Variants in VPS35L observed in about 807,000 individuals in gnomAD.
VPS35L encodes the protein VPS35 endosomal protein sorting factor like, also known as VPS35 endosomal protein-sorting factor-like.
VPS35L carries 83 observed loss-of-function variants against 133.0 expected under a neutral mutation model. The observed-to-expected ratio is 0.62, with a 90% CI of 0.52 to 0.75. The LOEUF (loss-of-function observed/expected upper bound fraction) is 0.75, where lower values mean the gene tolerates loss of function less well. Among genes scored for constraint, VPS35L ranks in the 30% least tolerant of loss-of-function variants. The pLI is 0.00. For synonymous variants in VPS35L, 423 were observed against 449.9 expected, an observed-to-expected ratio of 0.94 and a Z score of 0.76; for missense variants, 1,083 against 1,206.8, an observed-to-expected ratio of 0.90 and a Z score of 1.52.
intron 1 of VPS35L, among the ~76,000 whole-genome samples, chr16:19,563,915 G>A (rs1971102146): frequency 6.6e-6 from 1 of 152,182 alleles, no homozygotes; most frequent in Non-Finnish European, 1.5e-5. Flanking sequence ...CTGCCTCACA[G>A]CTGCCCTGTG....
At chr16:19,616,518 TTC>T (rs1297221637) in intron 13 of VPS35L, among the ~76,000 whole-genome samples, 166 bp from the exon 14 acceptor site, 21 of 152,014 alleles carry the variant, frequency 1.4e-4, no homozygotes, top group Non-Finnish European at 2.6e-4. Context: ...ATGAGAAACT[TTC>T]TGTGTTTTTT....
chr16:19,610,973 G>GA (rs1407753996), intron 12 of VPS35L, among the ~76,000 whole-genome samples: 2 of 152,096 alleles, frequency 1.3e-5, no homozygotes, highest in Non-Finnish European at 2.9e-5. Flanking sequence ...TTTGTGTATG[G>GA]AAAAAATGTA....
At chr16:19,558,383 C>A (rs1970925932) in intron 1 of VPS35L, among the ~76,000 whole-genome samples, 1 of 152,190 alleles carries the variant, frequency 6.6e-6, no homozygotes. Flanking sequence ...GGTTTGGAAG[C>A]CAGAGGCTAT....
intron 1 of VPS35L, among the ~76,000 whole-genome samples, chr16:19,563,995 T>G (rs1971105140): frequency 6.6e-6 from 1 of 151,924 alleles, no homozygotes; most frequent in Non-Finnish European, 1.5e-5. Flanking sequence ...GGGCAAGGAG[T>G]GTTAGAGTCA....
At chr16:19,676,948 G>C (rs533785336) in intron 27 of VPS35L, among the ~76,000 whole-genome samples, 1 of 152,246 alleles carries the variant, frequency 6.6e-6, no homozygotes, top group African/African-American at 2.4e-5. Context: ...GATGGTATTA[G>C]TAATAACACT....
Position 19,700,408 on chromosome 16 carries a change from A to C in VPS35L, c.2824A>C (p.Ser942Arg), listed in dbSNP as rs760637895. The C allele has an allele frequency of 6.2e-7, 1 of 1,614,166 alleles. No homozygotes were observed. Among genetic ancestry groups the C allele is most frequent in the Non-Finnish European group, 8.5e-7 (1 of 1,180,024 alleles). The change falls in exon 31 of 31, where the codon AGC becomes CGC. Residue 942 changes from serine to arginine, a missense_variant. Physicochemically the swap from Ser to Arg is moderately radical, Grantham distance 110. Transcript: ENST00000417362. ...VKTLEYIKKQ[S>R]KQPDMTHLTE... is the part of the protein sequence containing the mutation. Reference sequence around the variant, plus strand: ...AACGCTAGAATACATCAAGAAGCAAAGCAAACAACCAGACATGACTCATCT... The same window carrying C: ...AACGCTAGAATACATCAAGAAGCAACGCAAACAACCAGACATGACTCATCT...
chr16:19,616,437 C>G (rs1374157696), intron 13 of VPS35L, among the ~76,000 whole-genome samples: 2 of 152,092 alleles, frequency 1.3e-5, no homozygotes, highest in African/African-American at 4.8e-5. Context: ...TTCTGAGCAT[C>G]TGCTGGCTCC....
In VPS35L at chr16:19,628,656, T is replaced by C; in HGVS notation, c.1403T>C (p.Leu468Pro). 6.3e-7 allele frequency: 1 copy of C among 1,587,536 alleles called. No individual in the cohort carries two copies. Among genetic ancestry groups the C allele is most frequent in the Non-Finnish European group, 8.6e-7 (1 of 1,161,894 alleles). Residue 468 changes from leucine to proline, a missense_variant, in exon 17 of 31, where the codon CTG becomes CCG. Physicochemically the swap from Leu to Pro is moderately conservative, Grantham distance 98. Coordinates refer to ENST00000417362, the MANE Select transcript of VPS35L (RefSeq NM_020314.7). ...GFPKHLLFRS[L>P]GLNLALADPP... Reference sequence around the variant, plus strand: ...TCTTAGCATCTTCTTTTTCGATCACTGGGATTAAACTTGGCCTTGGCTGAT... The same window carrying C: ...TCTTAGCATCTTCTTTTTCGATCACCGGGATTAAACTTGGCCTTGGCTGAT...
Position 19,659,819 on chromosome 16 carries a change from C to G in VPS35L, c.2221+7729C>G, listed in dbSNP as rs9936985. ...AGGAAGAAGATATGTCTGGATGTTG[C>G]ATTTTATGTGGTAGTTTCCATGATA... On this transcript the variant is annotated intron_variant, in intron 26 of 30. Coordinates refer to ENST00000417362, the MANE Select transcript of VPS35L (RefSeq NM_020314.7). Among the ~76,000 whole-genome samples the G allele has an allele frequency of 8.2e-3, 1,244 of 152,282 alleles. 18 individuals are homozygous for G. The highest frequency in any genetic ancestry group is 0.028 in the African/African-American group (1,162 of 41,544).
At chr16:19,628,005 T>C (rs758701536) in intron 16 of VPS35L, among the ~76,000 whole-genome samples, 200 bp downstream of exon 16, 4 of 152,186 alleles carry the variant, frequency 2.6e-5, no homozygotes, top group Non-Finnish European at 5.9e-5. Context: ...CAGGCCCCCA[T>C]GAGCCCTAAA....
chr16:19,602,224 G>A (rs548972835), intron 9 of VPS35L, among the ~76,000 whole-genome samples: 116 of 152,184 alleles, frequency 7.6e-4, no homozygotes, highest in African/African-American at 2.7e-3. Flanking sequence ...AGTGGATGAT[G>A]AATTTCTTTT....
At chr16:19,653,702 C>T (rs2151589726) in intron 26 of VPS35L, among the ~76,000 whole-genome samples, 1 of 152,364 alleles carries the variant, frequency 6.6e-6, no homozygotes, top group South Asian at 2.1e-4. Context: ...AAGGCTGGCG[C>T]CTCACCACTT....
intron 23 of VPS35L, among the ~76,000 whole-genome samples, chr16:19,645,525 G>A (rs1438176317): frequency 3.3e-5 from 5 of 152,106 alleles, no homozygotes; most frequent in Non-Finnish European, 7.4e-5. Flanking sequence ...TGCTGACCTC[G>A]TAATCCGCCC....
At chr16:19,660,958 C>T (rs917453106) in intron 26 of VPS35L, among the ~76,000 whole-genome samples, 3 of 151,942 alleles carry the variant, frequency 2.0e-5, no homozygotes, top group African/African-American at 7.3e-5. Flanking sequence ...ACAGTATGGA[C>T]ATCTTGATTT....
At chr16:19,628,142 A>T (rs1973328556) in intron 16 of VPS35L, among the ~76,000 whole-genome samples, 2 of 152,138 alleles carry the variant, frequency 1.3e-5, no homozygotes, top group South Asian at 4.1e-4. Context: ...GGGCAGGAGG[A>T]TCACTTGAGG....
chr16:19,697,396 G>A (rs1975953529), intron 29 of VPS35L, among the ~76,000 whole-genome samples: 1 of 152,172 alleles, frequency 6.6e-6, no homozygotes, highest in African/African-American at 2.4e-5. Flanking sequence ...TGAGTGCGGT[G>A]AGATCATAGC....
At chr16:19,593,107 T>C (rs1597339052) in intron 8 of VPS35L, among the ~76,000 whole-genome samples, 1 of 152,030 alleles carries the variant, frequency 6.6e-6, no homozygotes. Context: ...TGGAGCCAGG[T>C]AGAAAGGTTT....
intron 14 of VPS35L, 82 bp downstream of exon 14, chr16:19,616,890 G>C (rs745727084): frequency 6.3e-7 from 1 of 1,579,706 alleles, no homozygotes; most frequent in Non-Finnish European, 8.7e-7. Context: ...AACGTTAATG[G>C]GACCCTTTCA....
chr16:19,598,829 T>TA (rs903843005), intron 8 of VPS35L, among the ~76,000 whole-genome samples: 8 of 151,796 alleles, frequency 5.3e-5, no homozygotes, highest in East Asian at 1.9e-4. Flanking sequence ...AAATTTTTTT[T>TA]AAAAAAAAGA....
Sources: allele counts gnomAD v4.1 joint callset (sites outside exome capture counted in the v4.1 genomes callset), GRCh38; gene constraint gnomAD v4.1.1; transcripts MANE v1.5; gene names NCBI Gene and HGNC (gene_info 2026-07-23, HGNC 2026-07-21).